Variants in PDZD2 observed in about 807,000 individuals in gnomAD.
The protein encoded by PDZD2 is PDZ domain-containing protein 2.
PDZD2 carries 90 observed loss-of-function variants against 220.7 expected under a neutral mutation model. The observed-to-expected ratio is 0.41, with a 90% CI of 0.34 to 0.49. The LOEUF (loss-of-function observed/expected upper bound fraction) is 0.49. PDZD2 is among the 20% of genes least tolerant of loss of function. PDZD2 has a pLI of 0.28. For synonymous variants in PDZD2, 1,375 were observed against 1,450.5 expected (o/e 0.95, Z 1.18); for missense variants, 3,174 against 3,608.5 (o/e 0.88, Z 3.08).
Position 31,983,626 on chromosome 5 carries a change from G to T in PDZD2, c.948G>T (p.Thr316=). Residue 316 remains threonine (T), a synonymous_variant, in exon 3 of 25, where the codon ACG becomes ACT. Transcript: ENST00000438447. ...GCCGCTTCTCAAAAGGTGGGAAGACGGACTTCCAATCGAGTGACTGCCTGG... is the reference window on the plus strand; with the variant it reads ...GCCGCTTCTCAAAAGGTGGGAAGACTGACTTCCAATCGAGTGACTGCCTGG... ...DKRRFSKGGK[T]DFQSSDCLAR... is the part of the protein sequence containing the mutation. The T allele has an allele frequency of 6.2e-7, 1 of 1,613,816 alleles. No individual in the cohort carries two copies. The highest frequency in any genetic ancestry group is 8.5e-7 in the Non-Finnish European group (1 of 1,179,754).
At chr5:32,003,130 C>CCA (rs1561315782) in intron 5 of PDZD2, among the ~76,000 whole-genome samples, 3 of 17,660 alleles carry the variant, frequency 1.7e-4, no homozygotes, top group Admixed American at 1.8e-3. Context: ...GCGCCACACA[C>CCA]ACACCACACA....
chr5:31,863,192 C>CT (rs200893669), intron 2 of PDZD2, among the ~76,000 whole-genome samples: 3,480 of 152,146 alleles, frequency 0.023, 54 homozygotes, highest in South Asian at 0.046. Flanking sequence ...GCCATGAGAC[C>CT]TTTTTTTTGA....
At position 32,075,581 on chromosome 5, in the gene PDZD2, A is replaced by G. The variant is rs563564376; in HGVS notation, c.3537+938A>G. ...CATTAAATGCAAGTTAATATTGGTT[A>G]TGTTACTACTTGGTTACGAGTATGT... On this transcript the variant is annotated intron_variant, in intron 18 of 24. Coordinates refer to ENST00000438447, the MANE Select transcript of PDZD2 (RefSeq NM_178140.4). Among the ~76,000 whole-genome samples the G allele has an allele frequency of 3.5e-4, 53 of 152,364 alleles. No individual in the cohort carries two copies. In the South Asian group the frequency reaches 0.011, roughly 31 times the overall value.
At chr5:32,062,933 A>G (rs530723771) in intron 14 of PDZD2, among the ~76,000 whole-genome samples, 1 of 152,224 alleles carries the variant, frequency 6.6e-6, no homozygotes, top group South Asian at 2.1e-4. Flanking sequence ...GAGGAACCAC[A>G]TGGGGCCTTG....
At chr5:31,699,512 G>A (rs1024460490) in intron 1 of PDZD2, among the ~76,000 whole-genome samples, 18 of 152,162 alleles carry the variant, frequency 1.2e-4, no homozygotes, top group African/African-American at 4.1e-4. Flanking sequence ...GCTTTGGGAG[G>A]CTGAAGCAGG....
intron 2 of PDZD2, among the ~76,000 whole-genome samples, chr5:31,898,735 A>G (rs7729896): frequency 0.86 from 129,657 of 151,616 alleles, 56,200 homozygotes; most frequent in Non-Finnish European, 0.91. Flanking sequence ...TCCTTCAAAT[A>G]TGTGGGAACT....
At chr5:31,747,062 C>A (rs1043480199) in intron 1 of PDZD2, among the ~76,000 whole-genome samples, 4 of 152,176 alleles carry the variant, frequency 2.6e-5, no homozygotes, top group Admixed American at 2.6e-4. Context: ...GTAATCCCAG[C>A]TACTCGGGAG....
At chr5:31,789,330 C>T (rs1319726574) in intron 1 of PDZD2, among the ~76,000 whole-genome samples, 1 of 152,214 alleles carries the variant, frequency 6.6e-6, no homozygotes, top group Non-Finnish European at 1.5e-5. Flanking sequence ...TTTGGCTGGG[C>T]ACTTGCTCCT....
intron 1 of PDZD2, among the ~76,000 whole-genome samples, chr5:31,722,343 C>T (rs1472078349): frequency 3.3e-5 from 5 of 152,158 alleles, no homozygotes; most frequent in African/African-American, 1.2e-4. Context: ...GGGTTCCTGG[C>T]TCAGGAGCTC....
At chr5:31,752,239 C>T (rs796430100) in intron 1 of PDZD2, among the ~76,000 whole-genome samples, 13 of 151,574 alleles carry the variant, frequency 8.6e-5, no homozygotes, top group African/African-American at 2.2e-4. Context: ...CCACCATGCC[C>T]GGCTAGTTTT....
intron 2 of PDZD2, among the ~76,000 whole-genome samples, chr5:31,935,678 A>G (rs1210242097): frequency 1.3e-5 from 2 of 152,254 alleles, no homozygotes; most frequent in African/African-American, 4.8e-5. Flanking sequence ...TGCAAGACAG[A>G]TTAAATGTAT....
At chr5:31,919,355 TGTC>T (rs1485994542) in intron 2 of PDZD2, among the ~76,000 whole-genome samples, 1 of 82,798 alleles carries the variant, frequency 1.2e-5, no homozygotes, top group Non-Finnish European at 2.1e-5. Context: ...CTCATTGTCT[TGTC>T]TTTTTTTTTT....
At chr5:31,989,421 CTTT>C (rs869045113) in intron 3 of PDZD2, among the ~76,000 whole-genome samples, 1 of 119,898 alleles carries the variant, frequency 8.3e-6, no homozygotes. Flanking sequence ...ATTTTCTTTT[CTTT>C]TTTTTTTTTT....
intron 2 of PDZD2, among the ~76,000 whole-genome samples, chr5:31,804,923 G>C (rs535023218): frequency 1.9e-4 from 29 of 152,340 alleles, no homozygotes; most frequent in Admixed American, 1.8e-3. Context: ...GTCAGGCGTG[G>C]TGGCTCATGC....
chr5:31,761,146 A>G (rs535140829), intron 1 of PDZD2, among the ~76,000 whole-genome samples: 4 of 152,288 alleles, frequency 2.6e-5, no homozygotes, highest in East Asian at 1.9e-4. Context: ...AGTCTTGAAT[A>G]TCAGGATGGA....
chr5:31,828,967 G>GACA (rs1164925872), intron 2 of PDZD2, among the ~76,000 whole-genome samples: 17 of 152,208 alleles, frequency 1.1e-4, no homozygotes, highest in African/African-American at 3.9e-4. Context: ...ATAACCTAGG[G>GACA]ACAAGGCTAC....
At chr5:32,095,185 G>A (rs1743542304) in intron 21 of PDZD2, among the ~76,000 whole-genome samples, 2 of 152,182 alleles carry the variant, frequency 1.3e-5, no homozygotes, top group South Asian at 2.1e-4. Flanking sequence ...ATGCCACAGT[G>A]CTGCCCGAGG....
At chr5:31,969,216 G>A (rs536931157) in intron 2 of PDZD2, among the ~76,000 whole-genome samples, 1 of 152,102 alleles carries the variant, frequency 6.6e-6, no homozygotes, top group South Asian at 2.1e-4. Context: ...ACACCAAAAG[G>A]ACATGTTCAG....
intron 1 of PDZD2, among the ~76,000 whole-genome samples, chr5:31,773,554 G>A (rs182026455): frequency 1.4e-4 from 22 of 152,258 alleles, no homozygotes; most frequent in African/African-American, 5.3e-4. Context: ...GGAGGCTGAG[G>A]CAGGAGAATC....
Sources: gnomAD v4.1 joint callset for allele counts (sites outside exome capture counted in the v4.1 genomes callset) on GRCh38, gnomAD v4.1.1 for gene constraint, MANE v1.5 for transcripts, NCBI Gene and HGNC (gene_info 2026-07-23, HGNC 2026-07-21) for gene names.